Variants in RBFOX1 observed in about 807,000 individuals in gnomAD.
RBFOX1 encodes the protein RNA binding fox-1 homolog 1.
Under a neutral mutation model 57.7 loss-of-function variants are expected in RBFOX1, and 8 were observed. The observed-to-expected ratio is 0.14, with a 90% CI of 0.08 to 0.25. RBFOX1 has a LOEUF of 0.25. Among genes scored for constraint, RBFOX1 ranks in the 10% least tolerant of loss-of-function variants. RBFOX1 has a pLI of 1.00. For missense variants in RBFOX1, 611 were observed against 548.5 expected, an observed-to-expected ratio of 1.11 and a Z score of -1.14; for synonymous variants, 326 against 222.4, an observed-to-expected ratio of 1.47 and a Z score of -4.15.
chr16:7,172,030 A>G (rs551750996), intron 4 of RBFOX1, among the ~76,000 whole-genome samples: 25 of 152,060 alleles, frequency 1.6e-4, no homozygotes, highest in African/African-American at 6.0e-4. Context: ...TTTTGCTTCC[A>G]GTTTTGTCAC....
intron 2 of RBFOX1, among the ~76,000 whole-genome samples, chr16:6,527,152 C>T (rs555938932): frequency 2.6e-5 from 4 of 152,132 alleles, no homozygotes; most frequent in East Asian, 3.9e-4. Context: ...TTAAAACATT[C>T]AAAAATATAA....
At chr16:6,470,597 C>A (rs556051137) in intron 2 of RBFOX1, among the ~76,000 whole-genome samples, 2 of 152,198 alleles carry the variant, frequency 1.3e-5, no homozygotes, top group African/African-American at 4.8e-5. Flanking sequence ...TATCCAGTTG[C>A]CTCTTGTGTA....
chr16:6,854,587 A>ATTTTTTTTTT (rs71147611), intron 3 of RBFOX1, among the ~76,000 whole-genome samples: 3,281 of 70,536 alleles, frequency 0.047, 379 homozygotes, highest in Non-Finnish European at 0.063. Context: ...GGAGAGGTGA[A>ATTTTTTTTTT]TTTTTTTTTT....
chr16:7,020,349 C>T (rs575785813), intron 3 of RBFOX1, among the ~76,000 whole-genome samples: 15 of 152,126 alleles, frequency 9.9e-5, no homozygotes, highest in Admixed American at 2.0e-4. Flanking sequence ...CCTCAGCCTA[C>T]GGAGTAGCTG....
intron 4 of RBFOX1, among the ~76,000 whole-genome samples, chr16:7,379,780 TCCTGCCTGCCTGCCTC>T (rs973667609): frequency 2.3e-4 from 34 of 150,732 alleles, no homozygotes; most frequent in South Asian, 8.5e-4. Context: ...CTGCCTTCCG[TCCTGCCTGCCTGCCTC>T]CCTGCCTGCC....
At chr16:6,216,471 C>T (rs948234556) in intron 1 of RBFOX1, among the ~76,000 whole-genome samples, 1 of 152,126 alleles carries the variant, frequency 6.6e-6, no homozygotes. Context: ...TTAATCCGAA[C>T]TGCTGTATCG....
intron 3 of RBFOX1, among the ~76,000 whole-genome samples, chr16:5,810,494 A>G (rs1212080090): frequency 1.3e-5 from 2 of 152,182 alleles, no homozygotes; most frequent in African/African-American, 4.8e-5. Context: ...TGGCAGCCCT[A>G]GCAAACTAAT....
chr16:7,396,264 CCTT>C (rs1555836837), intron 4 of RBFOX1, among the ~76,000 whole-genome samples: 1 of 152,184 alleles, frequency 6.6e-6, no homozygotes, highest in Non-Finnish European at 1.5e-5. Context: ...ACCGGCTGCT[CCTT>C]CTTGCCTTTG....
At chr16:7,579,664 T>A (rs1051932251) in intron 5 of RBFOX1, 113 bp from the exon 6 acceptor site, 83 of 1,335,228 alleles carry the variant, frequency 6.2e-5, no homozygotes, top group Non-Finnish European at 8.3e-5. Context: ...TTTCTTCCCT[T>A]CTCAGATTGC....
At chr16:5,905,434 A>AG (rs2058434364) in intron 4 of RBFOX1, among the ~76,000 whole-genome samples, 1 of 152,062 alleles carries the variant, frequency 6.6e-6, no homozygotes, top group South Asian at 2.1e-4. Context: ...ACAGAAGGCC[A>AG]GGCGCAGTGG....
chr16:5,806,452 G>A (rs1180374272), intron 3 of RBFOX1, among the ~76,000 whole-genome samples: 1 of 152,186 alleles, frequency 6.6e-6, no homozygotes, highest in Non-Finnish European at 1.5e-5. Flanking sequence ...GTTGCCTCCA[G>A]CCCTGTTACA....
Position 7,710,868 on chromosome 16 carries a change from A to T in RBFOX1, c.*123A>T. On this transcript the variant is annotated 3_prime_UTR_variant, in exon 16 of 16. Coordinates refer to ENST00000550418, the MANE Select transcript of RBFOX1 (RefSeq NM_018723.4). ...CTAAAAAAAAAAAAAATACAAATAA[A>T]AAGGAAAAAAAATTACATTTTTTAT... 9.9e-7 allele frequency: 1 copy of T among 1,008,326 alleles called. No homozygotes were observed. Among genetic ancestry groups the T allele is most frequent in the Non-Finnish European group, 1.3e-6 (1 of 763,838 alleles). 62.5% of individuals were successfully genotyped at this position (1,008,326 alleles called of 1,614,324 possible).
chr16:7,092,190 G>T (rs1266379026), intron 4 of RBFOX1, among the ~76,000 whole-genome samples: 1 of 152,126 alleles, frequency 6.6e-6, no homozygotes, highest in Non-Finnish European at 1.5e-5. Flanking sequence ...AAAGTTACAA[G>T]GTATACCACT....
At chr16:7,697,368 G>C (rs760273655) in intron 14 of RBFOX1, among the ~76,000 whole-genome samples, 1 of 152,138 alleles carries the variant, frequency 6.6e-6, no homozygotes, top group African/African-American at 2.4e-5. Context: ...ATTCCATGGA[G>C]CACCAAGGCT....
intron 2 of RBFOX1, among the ~76,000 whole-genome samples, chr16:5,553,048 C>T (rs76776446): frequency 5.3e-5 from 8 of 152,166 alleles, no homozygotes; most frequent in South Asian, 2.1e-4. Flanking sequence ...AACAAAACAC[C>T]GCATGTTCTC....
chr16:6,560,247 T>C (rs1460364379), intron 2 of RBFOX1, among the ~76,000 whole-genome samples: 1 of 146,560 alleles, frequency 6.8e-6, no homozygotes, highest in Non-Finnish European at 1.5e-5. Flanking sequence ...CAATGAAAAG[T>C]GTGCGTGATG....
chr16:7,410,596 G>C (rs1280184302), intron 4 of RBFOX1, among the ~76,000 whole-genome samples: 1 of 152,218 alleles, frequency 6.6e-6, no homozygotes, highest in Non-Finnish European at 1.5e-5. Flanking sequence ...AGAATCACTT[G>C]AACCCAGAAG....
At chr16:6,813,523 C>G (rs993055598) in intron 3 of RBFOX1, among the ~76,000 whole-genome samples, 32 of 152,142 alleles carry the variant, frequency 2.1e-4, no homozygotes, top group African/African-American at 7.2e-4. Context: ...GATCTGTCAC[C>G]TGGTCCCTAA....
chr16:6,273,771 A>G (rs189441844), intron 1 of RBFOX1, among the ~76,000 whole-genome samples: 25 of 152,274 alleles, frequency 1.6e-4, no homozygotes, highest in African/African-American at 5.8e-4. Context: ...ATGTAAAGGG[A>G]AGCTTCAGAC....
Sources: allele counts gnomAD v4.1 joint callset (sites outside exome capture counted in the v4.1 genomes callset), GRCh38; gene constraint gnomAD v4.1.1; transcripts MANE v1.5; gene names NCBI Gene and HGNC (gene_info 2026-07-23, HGNC 2026-07-21).